Variants in CHODL observed in about 807,000 individuals in gnomAD.
CHODL encodes the protein transmembrane protein MT75.
CHODL carries 29 observed loss-of-function variants against 34.5 expected under a neutral mutation model. The ratio of observed to expected loss-of-function variants is 0.84; its 90% CI spans 0.63 to 1.15. CHODL has a LOEUF of 1.15. CHODL is among the 50% of genes most tolerant of loss of function. CHODL has a pLI of 0.00. For missense variants in CHODL, 332 were observed against 332.5 expected, an observed-to-expected ratio of 1.00 and a Z score of 0.01; for synonymous variants, 125 against 116.1, an observed-to-expected ratio of 1.08 and a Z score of -0.49.
chr21:18,231,546 T>C (rs1196926197), intron 2 of CHODL, among the ~76,000 whole-genome samples: 1 of 152,142 alleles, frequency 6.6e-6, no homozygotes, highest in African/African-American at 2.4e-5. Flanking sequence ...TCAGGGTTCA[T>C]GACTATGTGG....
At chr21:18,155,934 C>T (rs2073029021) in intron 2 of CHODL, among the ~76,000 whole-genome samples, 1 of 152,250 alleles carries the variant, frequency 6.6e-6, no homozygotes, top group African/African-American at 2.4e-5. Flanking sequence ...AAAGGAAATC[C>T]TGGAACCAAG....
Position 18,265,947 on chromosome 21 carries a change from T to TCC in CHODL, c.738-7_738-6insCC, listed in dbSNP as rs2074455158. ...AGGCACTAAACATTTTTTCTTATGT[T>TCC]TTTCAGTAAAGGAAGAACAAAAACT... On this transcript the variant is annotated splice_region_variant and splice_polypyrimidine_tract_variant and intron_variant, in intron 5 of 5. Coordinates refer to ENST00000299295, the MANE Select transcript of CHODL (RefSeq NM_024944.3). The TCC allele has an allele frequency of 6.2e-7, 1 of 1,607,206 alleles. No individual in the cohort carries two copies. Among genetic ancestry groups the TCC allele is most frequent in the South Asian group, 1.1e-5 (1 of 89,426 alleles).
At chr21:17,978,667 G>C (rs1271101768) in intron 1 of CHODL, among the ~76,000 whole-genome samples, 4 of 149,772 alleles carry the variant, frequency 2.7e-5, no homozygotes, top group Non-Finnish European at 3.0e-5. Flanking sequence ...GCAGTGAGCC[G>C]AGATCATGCC....
In CHODL at chr21:18,051,730, G is replaced by T. The variant is rs73325259; in HGVS notation, c.-45+23759G>T. ...TTAGTGAGTTTAGTGATTTAGTAAA[G>T]ACTTCCCGTTAACTACTTCTTAAAT... On this transcript the variant is annotated intron_variant, in intron 2 of 6. Coordinates refer to the CHODL transcript ENST00000400127. Among the ~76,000 whole-genome samples the T allele has an allele frequency of 7.5e-3, 1,145 of 152,020 alleles. 20 individuals carry two copies. The highest frequency in any genetic ancestry group is 0.026 in the African/African-American group (1,086 of 41,494).
chr21:18,141,094 A>G (rs2072795826), intron 2 of CHODL, among the ~76,000 whole-genome samples: 1 of 152,144 alleles, frequency 6.6e-6, no homozygotes, highest in Admixed American at 6.6e-5. Context: ...TAATGTAGAT[A>G]AATGCATCAA....
At chr21:18,135,678 ATC>A (rs1288678796) in intron 2 of CHODL, among the ~76,000 whole-genome samples, 2 of 152,210 alleles carry the variant, frequency 1.3e-5, no homozygotes, top group Non-Finnish European at 2.9e-5. Context: ...AGAGTGGGGT[ATC>A]TCTCACTGAC....
At chr21:18,118,549 T>C (rs979856166) in intron 2 of CHODL, among the ~76,000 whole-genome samples, 1 of 152,224 alleles carries the variant, frequency 6.6e-6, no homozygotes, top group Non-Finnish European at 1.5e-5. Flanking sequence ...TAGCCAATAC[T>C]GTAATGTTTC....
intron 2 of CHODL, among the ~76,000 whole-genome samples, chr21:18,049,549 A>G (rs2064487488): frequency 6.6e-6 from 1 of 151,960 alleles, no homozygotes; most frequent in Non-Finnish European, 1.5e-5. Context: ...TGTAGTTTAA[A>G]CAACAGAAAT....
At chr21:18,134,547 G>A (rs772986818) in intron 2 of CHODL, among the ~76,000 whole-genome samples, 17 of 152,158 alleles carry the variant, frequency 1.1e-4, no homozygotes, top group Admixed American at 2.0e-4. Flanking sequence ...ATGTTAGTAC[G>A]TGGGCTGAGG....
At chr21:18,241,884 A>G (rs908757294), upstream of CHODL, among the ~76,000 whole-genome samples, 1 of 152,128 alleles carries the variant, frequency 6.6e-6, no homozygotes, top group Non-Finnish European at 1.5e-5. Context: ...CTTTGTGGCC[A>G]CTTTTACTGA....
intron 2 of CHODL, among the ~76,000 whole-genome samples, chr21:18,162,000 G>C (rs1255579793): frequency 6.6e-6 from 1 of 152,138 alleles, no homozygotes; most frequent in African/African-American, 2.4e-5. Flanking sequence ...CCACCCACAA[G>C]ATATTGTCAG....
chr21:18,039,026 G>A (rs1456815697), intron 2 of CHODL, among the ~76,000 whole-genome samples: 1 of 151,572 alleles, frequency 6.6e-6, no homozygotes, highest in Non-Finnish European at 1.5e-5. Flanking sequence ...ATCGCAAGAT[G>A]TCTTTCTTCT....
At chr21:18,145,211 C>T (rs942774539) in intron 2 of CHODL, among the ~76,000 whole-genome samples, 6 of 149,804 alleles carry the variant, frequency 4.0e-5, no homozygotes, top group African/African-American at 1.5e-4. Context: ...CCGAGACTGG[C>T]GGATCATGAG....
chr21:18,216,072 A>G (rs1050246197), intron 2 of CHODL, among the ~76,000 whole-genome samples: 2 of 151,918 alleles, frequency 1.3e-5, no homozygotes, highest in African/African-American at 4.8e-5. Context: ...CTTCTCTTAT[A>G]TGTTAATTTC....
At chr21:18,062,523 T>C (rs940998222) in intron 2 of CHODL, among the ~76,000 whole-genome samples, 2 of 151,956 alleles carry the variant, frequency 1.3e-5, no homozygotes, top group African/African-American at 4.8e-5. Flanking sequence ...CCCAGCACTT[T>C]GGGAAGCCGA....
chr21:18,235,175 T>A (rs2074017663), intron 2 of CHODL, among the ~76,000 whole-genome samples: 1 of 152,030 alleles, frequency 6.6e-6, no homozygotes, highest in Admixed American at 6.6e-5. Flanking sequence ...GGGTCAGAAT[T>A]TGAAGGGCCA....
chr21:18,122,814 C>T (rs1421096504), intron 2 of CHODL, among the ~76,000 whole-genome samples: 1 of 152,176 alleles, frequency 6.6e-6, no homozygotes, highest in African/African-American at 2.4e-5. Context: ...GCTTATTTAT[C>T]TACCTAGTTT....
At chr21:18,206,032 A>G (rs1340403926) in intron 2 of CHODL, among the ~76,000 whole-genome samples, 1 of 152,224 alleles carries the variant, frequency 6.6e-6, no homozygotes, top group Non-Finnish European at 1.5e-5. Context: ...TAAAAGTTTA[A>G]CACTAGTTTT....
intron 1 of CHODL, among the ~76,000 whole-genome samples, chr21:17,962,099 G>C (rs2063536314): frequency 6.6e-6 from 1 of 152,176 alleles, no homozygotes; most frequent in Non-Finnish European, 1.5e-5. Context: ...TACACCAGAA[G>C]TCAGGGGCTA....
Sources: gnomAD v4.1 joint callset for allele counts (sites outside exome capture counted in the v4.1 genomes callset) on GRCh38, gnomAD v4.1.1 for gene constraint, MANE v1.5 for transcripts, NCBI Gene and HGNC (gene_info 2026-07-23, HGNC 2026-07-21) for gene names.